The following POT1 variants were observed in gnomAD, a reference collection of about 807,000 sequenced individuals.
POT1 encodes protection of telomeres 1.
In POT1, 47 loss-of-function variants were observed where a neutral mutation model predicts 78.5. The observed-to-expected ratio is 0.60, with a 90% CI of 0.47 to 0.76. The LOEUF is 0.76. Among genes scored for constraint, POT1 ranks in the 30% least tolerant of loss-of-function variants. The probability of loss-of-function intolerance (pLI) is 0.00; values close to 1 mark genes in which losing one functional copy is unlikely to be tolerated. For synonymous variants in POT1, 259 were observed against 260.7 expected (o/e 0.99, Z 0.06); for missense variants, 646 against 749.9 (o/e 0.86, Z 1.62).
intron 15 of POT1, among the ~76,000 whole-genome samples, chr7:124,832,513 A>G (rs2116433829): frequency 6.6e-6 from 1 of 152,242 alleles, no homozygotes; most frequent in Non-Finnish European, 1.5e-5. Context: ...TGAAGCAACC[A>G]GTAAAAAGTC....
chr7:124,824,293 T>C (rs1794578933), intron 18 of POT1, among the ~76,000 whole-genome samples: 1 of 151,890 alleles, frequency 6.6e-6, no homozygotes, highest in Admixed American at 6.6e-5. Context: ...TTTGAATTTT[T>C]TGCCACAAGC....
chr7:124,841,249 T>C (rs1562981074), intron 13 of POT1, 71 bp from the exon 14 acceptor site: 4 of 1,216,008 alleles, frequency 3.3e-6, no homozygotes, highest in Middle Eastern at 2.0e-4. Flanking sequence ...TTTAACAAGT[T>C]ATCAAATTAA....
At chr7:124,843,467 T>A (rs7778714) in intron 12 of POT1, among the ~76,000 whole-genome samples, 2,037 of 150,540 alleles carry the variant, frequency 0.014, 50 homozygotes, top group African/African-American at 0.047. Flanking sequence ...GTCACAGGAG[T>A]GGTGTAGTAG....
chr7:124,841,220 G>C, intron 13 of POT1, 42 bp from the exon 14 acceptor site: 1 of 1,501,670 alleles, frequency 6.7e-7, no homozygotes, highest in South Asian at 1.2e-5. Flanking sequence ...CGATTTTGGT[G>C]TAAGCGTGAA....
chr7:124,836,084 G>C (rs1230508126), intron 14 of POT1, among the ~76,000 whole-genome samples: 1 of 152,164 alleles, frequency 6.6e-6, no homozygotes, highest in African/African-American at 2.4e-5. Context: ...AATTTGGGTA[G>C]AATTTGTAAT....
intron 3 of POT1, among the ~76,000 whole-genome samples, chr7:124,906,126 A>T (rs1796759640): frequency 6.6e-6 from 1 of 152,146 alleles, no homozygotes; most frequent in Non-Finnish European, 1.5e-5. Flanking sequence ...TGACCCAGCC[A>T]TCCCATTACT....
At chr7:124,855,215 G>C (rs1258707429) in intron 9 of POT1, among the ~76,000 whole-genome samples, 1 of 76,966 alleles carries the variant, frequency 1.3e-5, no homozygotes, top group African/African-American at 5.8e-5. Flanking sequence ...ACAGAGAGGA[G>C]AGCAAAAAAA....
At chr7:124,894,129 T>C (rs553996524) in intron 5 of POT1, among the ~76,000 whole-genome samples, 3 of 151,744 alleles carry the variant, frequency 2.0e-5, no homozygotes, top group African/African-American at 7.2e-5. Flanking sequence ...TAAGGATACC[T>C]ATCACTCTGA....
chr7:124,858,386 TTTG>T (rs2116522841), intron 9 of POT1, among the ~76,000 whole-genome samples: 1 of 152,302 alleles, frequency 6.6e-6, no homozygotes, highest in South Asian at 2.1e-4. Context: ...CCCTACAATT[TTTG>T]TTAATAGTTA....
intron 15 of POT1, among the ~76,000 whole-genome samples, chr7:124,832,643 C>A (rs1011089769): frequency 6.6e-6 from 1 of 151,908 alleles, no homozygotes; most frequent in Admixed American, 6.6e-5. Context: ...GGTGAAACCT[C>A]GTTTCTAATA....
chr7:124,880,974 C>T (rs1174471227), intron 6 of POT1, among the ~76,000 whole-genome samples: 3 of 151,878 alleles, frequency 2.0e-5, no homozygotes, highest in East Asian at 1.9e-4. Flanking sequence ...TCTAAAATGA[C>T]GTAACTACAC....
At chr7:124,842,001 T>C (rs1241947529) in intron 13 of POT1, among the ~76,000 whole-genome samples, 5 of 151,940 alleles carry the variant, frequency 3.3e-5, no homozygotes, top group Non-Finnish European at 7.4e-5. Flanking sequence ...CAAACCCAAA[T>C]TTTGGATTGG....
intron 2 of POT1, among the ~76,000 whole-genome samples, chr7:124,925,932 A>G (rs150398362): frequency 6.6e-6 from 1 of 152,202 alleles, no homozygotes; most frequent in African/African-American, 2.4e-5. Context: ...TGGAACGTAT[A>G]TGTCACCATA....
At chr7:124,833,480 A>G (rs1794818837) in intron 15 of POT1, among the ~76,000 whole-genome samples, 1 of 152,222 alleles carries the variant, frequency 6.6e-6, no homozygotes, top group Non-Finnish European at 1.5e-5. Flanking sequence ...GAATGTGTCC[A>G]GGGTGATTGT....
chr7:124,877,510 G>C (rs759106089), intron 6 of POT1, among the ~76,000 whole-genome samples: 11 of 151,868 alleles, frequency 7.2e-5, no homozygotes, highest in Non-Finnish European at 1.5e-4. Flanking sequence ...GCAGAAGAAA[G>C]GGAGCTGATA....
intron 3 of POT1, among the ~76,000 whole-genome samples, chr7:124,911,516 G>A (rs753220358): frequency 1.3e-5 from 2 of 152,126 alleles, no homozygotes; most frequent in East Asian, 1.9e-4. Flanking sequence ...GAAATGGTCC[G>A]ATGATTTGTT....
intron 12 of POT1, among the ~76,000 whole-genome samples, chr7:124,845,151 C>A (rs559525779): frequency 6.6e-6 from 1 of 152,242 alleles, no homozygotes; most frequent in East Asian, 1.9e-4. Context: ...TTACTATAAT[C>A]GAATTAATTA....
intron 6 of POT1, among the ~76,000 whole-genome samples, chr7:124,879,636 G>A (rs1010643073): frequency 6.6e-6 from 1 of 151,938 alleles, no homozygotes; most frequent in African/African-American, 2.4e-5. Context: ...AGACATACTT[G>A]GAAAAGAAGA....
At chr7:124,830,051 G>GA (rs1794723536) in intron 15 of POT1, among the ~76,000 whole-genome samples, 1 of 152,058 alleles carries the variant, frequency 6.6e-6, no homozygotes, top group African/African-American at 2.4e-5. Flanking sequence ...GGCCAATAGA[G>GA]AAAAATTACT....
Sources: gnomAD v4.1 joint callset for allele counts (sites outside exome capture counted in the v4.1 genomes callset) on GRCh38, gnomAD v4.1.1 for gene constraint, MANE v1.5 for transcripts, NCBI Gene and HGNC (gene_info 2026-07-23, HGNC 2026-07-21) for gene names.